Variants in PLPPR1 observed in about 807,000 individuals in gnomAD.
PLPPR1 encodes the protein phospholipid phosphatase-related protein type 1.
PLPPR1 carries 10 observed loss-of-function variants against 33.1 expected under a neutral mutation model. The ratio of observed to expected loss-of-function variants is 0.30; its 90% CI spans 0.19 to 0.51. The LOEUF (loss-of-function observed/expected upper bound fraction) is 0.51. Among genes scored for constraint, PLPPR1 ranks in the 20% least tolerant of loss-of-function variants. The pLI, the probability that PLPPR1 is intolerant of heterozygous loss-of-function variation, is 0.97. For synonymous variants in PLPPR1, 151 were observed against 151.0 expected, an observed-to-expected ratio of 1.00 and a Z score of 0.00; for missense variants, 304 against 408.1, an observed-to-expected ratio of 0.74 and a Z score of 2.20.
At chr9:101,251,556 A>G (rs964089220) in intron 2 of PLPPR1, among the ~76,000 whole-genome samples, 4 of 152,086 alleles carry the variant, frequency 2.6e-5, no homozygotes, top group African/African-American at 9.7e-5. Flanking sequence ...TGCCTTGCTC[A>G]AAATGCTTCG....
At chr9:101,112,860 A>G (rs1564148279) in intron 1 of PLPPR1, among the ~76,000 whole-genome samples, 1 of 152,252 alleles carries the variant, frequency 6.6e-6, no homozygotes, top group Non-Finnish European at 1.5e-5. Context: ...TTATGTCAAA[A>G]TAAACCCAGC....
intron 1 of PLPPR1, among the ~76,000 whole-genome samples, chr9:101,036,410 T>C (rs1053472582): frequency 6.6e-6 from 1 of 152,164 alleles, no homozygotes; most frequent in African/African-American, 2.4e-5. Flanking sequence ...AAAAGCTCTA[T>C]CTGCCTGTCA....
At chr9:101,318,819 G>A (rs886091522) in intron 7 of PLPPR1, among the ~76,000 whole-genome samples, 3 of 152,046 alleles carry the variant, frequency 2.0e-5, no homozygotes, top group Non-Finnish European at 4.4e-5. Flanking sequence ...TGAAGACAGT[G>A]ATGTTAGATT....
At chr9:101,200,809 T>C (rs2118747230) in intron 2 of PLPPR1, among the ~76,000 whole-genome samples, 1 of 152,284 alleles carries the variant, frequency 6.6e-6, no homozygotes, top group South Asian at 2.1e-4. Context: ...TTGCATAGAA[T>C]GTAGATAACT....
chr9:101,304,487 T>C (rs1411525033), intron 4 of PLPPR1, among the ~76,000 whole-genome samples: 5 of 152,222 alleles, frequency 3.3e-5, no homozygotes, highest in Admixed American at 3.3e-4. Context: ...ACAATTCTAA[T>C]GTGACAGATG....
At chr9:101,322,342 CTT>C (rs1221970593) in intron 7 of PLPPR1, 1 of 150,184 alleles carries the variant, frequency 6.7e-6, no homozygotes, top group African/African-American at 2.4e-5. Flanking sequence ...AAAGACAAGA[CTT>C]TAGGTTTGCA....
intron 4 of PLPPR1, among the ~76,000 whole-genome samples, chr9:101,291,712 A>G (rs1339200942): frequency 6.6e-6 from 1 of 152,266 alleles, no homozygotes; most frequent in Non-Finnish European, 1.5e-5. Flanking sequence ...AAACTCCAAC[A>G]GACCCGCAGC....
At chr9:101,297,846 G>T (rs1199183438) in intron 4 of PLPPR1, among the ~76,000 whole-genome samples, 1 of 151,826 alleles carries the variant, frequency 6.6e-6, no homozygotes, top group East Asian at 1.9e-4. Flanking sequence ...ACATTGTGTA[G>T]TAACAGCAAC....
At position 101,029,701 on chromosome 9, in the gene PLPPR1, C is replaced by A. The variant is rs376597783; in HGVS notation, c.-46+599C>A. On this transcript the variant is annotated intron_variant, in intron 1 of 7. Transcript: ENST00000374874. Reference sequence around the variant, plus strand: ...TCTCATCGAGCTCCGGTGCCAAAGGCGCCGGGGTGAGGCTCGGGTCAGTGC... The same window carrying A: ...TCTCATCGAGCTCCGGTGCCAAAGGAGCCGGGGTGAGGCTCGGGTCAGTGC... 1.4e-3 allele frequency among the ~76,000 whole-genome samples: 215 copies of A among 152,270 alleles called. 4 individuals carry two copies. Among genetic ancestry groups the A allele is most frequent in the African/African-American group, 5.0e-3 (208 of 41,566 alleles).
At chr9:101,296,256 C>G (rs1341219779) in intron 4 of PLPPR1, among the ~76,000 whole-genome samples, 2 of 151,730 alleles carry the variant, frequency 1.3e-5, no homozygotes, top group African/African-American at 2.4e-5. Context: ...GAGATACCAT[C>G]TCACACCAGT....
At chr9:101,215,168 A>T (rs1826765790) in intron 2 of PLPPR1, among the ~76,000 whole-genome samples, 1 of 152,250 alleles carries the variant, frequency 6.6e-6, no homozygotes, top group Non-Finnish European at 1.5e-5. Flanking sequence ...GTTTATCTGA[A>T]CAAAGAAACA....
At chr9:101,092,628 T>TGC (rs1830759984) in intron 1 of PLPPR1, among the ~76,000 whole-genome samples, 1 of 152,136 alleles carries the variant, frequency 6.6e-6, no homozygotes, top group Admixed American at 6.5e-5. Flanking sequence ...CATTGCACCC[T>TGC]GCGTCCTGTC....
rs565684999 is a variant in PLPPR1, at chr9:101,209,581, A to G, written c.63+24024A>G. ...TTTATTCATTAGAAAGATAGGATCTACCAATCACATGAGGGACTGATGTTT... is the reference window on the plus strand; with the variant it reads ...TTTATTCATTAGAAAGATAGGATCTGCCAATCACATGAGGGACTGATGTTT... On this transcript the variant is annotated intron_variant, in intron 2 of 7. Coordinates refer to ENST00000374874, the MANE Select transcript of PLPPR1 (RefSeq NM_207299.2). 5.6e-4 allele frequency among the ~76,000 whole-genome samples: 85 copies of G among 152,340 alleles called. 1 individual carries two copies. Among genetic ancestry groups the G allele is most frequent in the African/African-American group, 1.9e-3 (80 of 41,586 alleles).
intron 7 of PLPPR1, chr9:101,322,340 G>C (rs957569419): frequency 1.3e-5 from 2 of 150,092 alleles, no homozygotes; most frequent in African/African-American, 2.4e-5. Context: ...TAAAAGACAA[G>C]ACTTTAGGTT....
At chr9:101,247,660 T>C (rs1214959891) in intron 2 of PLPPR1, among the ~76,000 whole-genome samples, 2 of 152,030 alleles carry the variant, frequency 1.3e-5, no homozygotes, top group African/African-American at 4.8e-5. Flanking sequence ...CAAGCACACG[T>C]AGAGCATTTA....
chr9:101,051,719 A>T (rs930710336), intron 1 of PLPPR1, among the ~76,000 whole-genome samples: 1 of 152,062 alleles, frequency 6.6e-6, no homozygotes, highest in African/African-American at 2.4e-5. Context: ...TGCACATGTT[A>T]CTCTCTTCCA....
At chr9:101,067,877 T>C (rs551370256) in intron 1 of PLPPR1, among the ~76,000 whole-genome samples, 51 of 152,224 alleles carry the variant, frequency 3.4e-4, no homozygotes, top group African/African-American at 1.1e-3. Flanking sequence ...CCTTGAGTAG[T>C]TTCCTTAACC....
intron 1 of PLPPR1, among the ~76,000 whole-genome samples, chr9:101,056,598 G>T (rs1263515498): frequency 6.6e-6 from 1 of 152,116 alleles, no homozygotes; most frequent in Non-Finnish European, 1.5e-5. Context: ...AGTGGACCCA[G>T]AATATTATGA....
intron 2 of PLPPR1, among the ~76,000 whole-genome samples, chr9:101,226,673 A>C (rs1827077087): frequency 1.3e-5 from 2 of 151,886 alleles, no homozygotes; most frequent in South Asian, 4.2e-4. Context: ...AGACCTAATC[A>C]CCTCCCAAAG....
Sources: allele counts gnomAD v4.1 joint callset (sites outside exome capture counted in the v4.1 genomes callset), GRCh38; gene constraint gnomAD v4.1.1; transcripts MANE v1.5; gene names NCBI Gene and HGNC (gene_info 2026-07-23, HGNC 2026-07-21).